Variants in DOCK11 observed in about 807,000 individuals in gnomAD.
DOCK11 encodes dedicator of cytokinesis 11.
A neutral mutation model predicts 169.1 loss-of-function variants in DOCK11; 70 were observed. The observed-to-expected ratio is 0.41, with a 90% CI of 0.34 to 0.51. The LOEUF is 0.51. DOCK11 is among the 20% of genes least tolerant of loss of function. The pLI, the probability that DOCK11 is intolerant of heterozygous loss-of-function variation, is 0.10. For synonymous variants in DOCK11, 529 were observed against 541.3 expected, an observed-to-expected ratio of 0.98 and a Z score of 0.32; for missense variants, 1,166 against 1,538.8, an observed-to-expected ratio of 0.76 and a Z score of 4.05.
At chrX:118,644,735 A>G (rs887671059) in intron 40 of DOCK11, among the ~76,000 whole-genome samples, 1 of 112,206 alleles carries the variant, frequency 8.9e-6, no homozygotes, top group African/African-American at 3.2e-5. Flanking sequence ...CCAAGAGATG[A>G]AACTAAAGAT....
chrX:118,598,080 G>A lies in DOCK11; in HGVS notation c.2436G>A (p.Lys812=). 1.7e-6 allele frequency: 2 copies of A among 1,197,441 alleles called. No individual in the cohort carries two copies. The highest frequency in any genetic ancestry group is 2.3e-6 in the Non-Finnish European group (2 of 885,974). The change falls in exon 22 of 53, where the codon AAG becomes AAA. Residue 812 remains lysine (K), a synonymous_variant. Transcript: ENST00000276202. ...TAGATGGTGCAAAGCCTTTGTTGAA[G>A]ATTAAAAGCCACTTAGAATCTACCA... The part of the protein sequence containing the change: ...KWVDGAKPLL[K]IKSHLESTIY...
At chrX:118,634,874 G>A (rs916651147) in intron 35 of DOCK11, among the ~76,000 whole-genome samples, 3 of 110,770 alleles carry the variant, frequency 2.7e-5, no homozygotes, top group African/African-American at 6.6e-5. Context: ...GATTACAGGC[G>A]CGCCACCACG....
intron 1 of DOCK11, among the ~76,000 whole-genome samples, chrX:118,523,107 A>G (rs12835782): frequency 8.9e-6 from 1 of 112,656 alleles, no homozygotes; most frequent in African/African-American, 3.2e-5. Flanking sequence ...CAAGCTTTCA[A>G]TAAATGTTAG....
intron 46 of DOCK11, among the ~76,000 whole-genome samples, chrX:118,671,797 A>G (rs2016480123): frequency 8.9e-6 from 1 of 111,811 alleles, no homozygotes; most frequent in Non-Finnish European, 1.9e-5. Flanking sequence ...CTCCTGCCTC[A>G]GCCTTCCCAG....
intron 51 of DOCK11, 34 bp downstream of exon 51, chrX:118,681,828 G>A: frequency 1.9e-6 from 2 of 1,070,484 alleles, no homozygotes; most frequent in Non-Finnish European, 2.5e-6. Context: ...TTAGACCCGT[G>A]TTCGTTTTCT....
At chrX:118,637,108 G>A (rs1184499414) in intron 36 of DOCK11, among the ~76,000 whole-genome samples, 1 of 111,792 alleles carries the variant, frequency 8.9e-6, no homozygotes, top group Non-Finnish European at 1.9e-5. Flanking sequence ...AAACTTTTAC[G>A]GAAAATGTCA....
At position 118,608,285 on chromosome X, in the gene DOCK11, A is replaced by G; in HGVS notation, c.2806A>G (p.Thr936Ala). Residue 936 changes from threonine to alanine, a missense_variant, in exon 26 of 53, where the codon ACC becomes GCC. Physicochemically the swap from Thr to Ala is moderately conservative, Grantham distance 58. Coordinates refer to ENST00000276202, the MANE Select transcript of DOCK11 (RefSeq NM_144658.4). ...TCCTCAGGCCCAGCTGATACATGAA[A>G]CCCTGGCTACTACGATGATAGCAAT... The part of the protein sequence containing the change: ...SAPQAQLIHE[T>A]LATTMIAILK... 2.5e-6 allele frequency: 3 copies of G among 1,210,872 alleles called. No homozygotes were observed. Among genetic ancestry groups the G allele is most frequent in the Non-Finnish European group, 3.4e-6 (3 of 895,053 alleles).
intron 23 of DOCK11, among the ~76,000 whole-genome samples, chrX:118,602,787 T>C (rs1266958256): frequency 8.9e-6 from 1 of 112,041 alleles, no homozygotes; most frequent in East Asian, 2.8e-4. Flanking sequence ...GTAATCCGCC[T>C]ACCTCAGCCT....
intron 1 of DOCK11, among the ~76,000 whole-genome samples, chrX:118,542,241 G>T (rs2012037843): frequency 9.2e-6 from 1 of 108,622 alleles, no homozygotes; most frequent in Non-Finnish European, 1.9e-5. Flanking sequence ...CACAATCACG[G>T]ATCACTACAA....
chrX:118,558,034 G>T (rs1174997484), intron 6 of DOCK11, among the ~76,000 whole-genome samples: 1 of 102,972 alleles, frequency 9.7e-6, no homozygotes, highest in African/African-American at 3.6e-5. Context: ...GAGTGCAGTG[G>T]TGTGATCTCG....
chrX:118,610,348 T>C lies in DOCK11; in HGVS notation c.3026T>C (p.Val1009Ala). 1 of 1,211,220 alleles carries C rather than the reference T, an allele frequency of 8.3e-7. No homozygotes were observed. The highest frequency in any genetic ancestry group is 1.1e-6 in the Non-Finnish European group (1 of 895,068). Residue 1009 changes from valine to alanine, a missense_variant, in exon 28 of 53, where the codon GTG (valine) becomes GCG (alanine). Val to Ala is a moderately conservative substitution (Grantham distance 64). Transcript: ENST00000276202. The stretch of plus-strand genomic sequence containing the variant: ...CTGCTTCTTGCAATAATTCCCCATG[T>C]GACTATTCGGTATGCGGAGATTCCC... ...HSLLLAIIPH[V>A]TIRYAEIPDE...
intron 27 of DOCK11, 51 bp from the exon 28 acceptor site, chrX:118,610,221 G>C (rs4825597): frequency 0.19 from 218,402 of 1,170,129 alleles, 14,947 homozygotes; most frequent in East Asian, 0.37. Flanking sequence ...AATGGCAATT[G>C]ATTTAGACCT....
chrX:118,532,736 G>A (rs944009232), intron 1 of DOCK11, among the ~76,000 whole-genome samples: 7 of 98,529 alleles, frequency 7.1e-5, no homozygotes, highest in Admixed American at 5.8e-4. Context: ...AGCCGAGATC[G>A]CGCCACTGCA....
intron 19 of DOCK11, among the ~76,000 whole-genome samples, chrX:118,592,064 G>C (rs1312458151): frequency 9.3e-6 from 1 of 107,080 alleles, no homozygotes; most frequent in Non-Finnish European, 1.9e-5. Flanking sequence ...CCAAGTCTTT[G>C]CTATTGTGAA....
At position 118,546,212 on chromosome X, in the gene DOCK11, A is replaced by C. The variant is rs868422825; in HGVS notation, c.558+96A>C. On this transcript the variant is annotated intron_variant, in intron 6 of 52. Transcript: ENST00000276202. ...ATTTATTTTACAAAGAGCCCTAGCA[A>C]AAAAAAAAAAAAAAAAAAAGGAGAG... 2.3e-3 allele frequency: 411 copies of C among 179,905 alleles called. 13 individuals are homozygous for C. Among genetic ancestry groups the C allele is most frequent in the African/African-American group, 4.7e-3 (93 of 19,966 alleles). 14.8% of individuals were successfully genotyped at this position (179,905 alleles called of 1,213,427 possible).
intron 1 of DOCK11, among the ~76,000 whole-genome samples, chrX:118,535,946 G>T (rs1224777384): frequency 1.8e-5 from 2 of 111,463 alleles, no homozygotes; most frequent in Non-Finnish European, 3.8e-5. Context: ...CTGAAAGATG[G>T]TCACATTTGG....
intron 45 of DOCK11, among the ~76,000 whole-genome samples, chrX:118,664,513 C>T (rs1482590309): frequency 9.1e-6 from 1 of 110,448 alleles, no homozygotes; most frequent in Non-Finnish European, 1.9e-5. Context: ...GACGTGGTGG[C>T]ACCTGCCTAT....
At chrX:118,682,737 T>A (rs752781871) in intron 51 of DOCK11, among the ~76,000 whole-genome samples, 1 of 112,332 alleles carries the variant, frequency 8.9e-6, no homozygotes, top group South Asian at 3.7e-4. Flanking sequence ...AAATTCTTTT[T>A]GAATGAATGA....
At chrX:118,565,287 G>C (rs979709441) in intron 7 of DOCK11, among the ~76,000 whole-genome samples, 2 of 111,314 alleles carry the variant, frequency 1.8e-5, no homozygotes, top group Admixed American at 9.6e-5. Context: ...CATATTTTGG[G>C]GGTACATGTG....
Sources: gnomAD v4.1 joint callset for allele counts (sites outside exome capture counted in the v4.1 genomes callset) on GRCh38, gnomAD v4.1.1 for gene constraint, MANE v1.5 for transcripts, NCBI Gene and HGNC (gene_info 2026-07-23, HGNC 2026-07-21) for gene names.